Variants in LIPJ observed in about 807,000 individuals in gnomAD.
LIPJ encodes lipase family member J.
A neutral mutation model predicts 39.8 loss-of-function variants in LIPJ; 33 were observed. The ratio of observed to expected loss-of-function variants is 0.83; its 90% CI spans 0.63 to 1.11. The LOEUF (loss-of-function observed/expected upper bound fraction) is 1.11. Ranked by LOEUF, LIPJ falls within the 50% of genes least tolerant of loss-of-function variation. LIPJ has a pLI of 0.00. For missense variants in LIPJ, 422 were observed against 427.9 expected (o/e 0.99, Z 0.12); for synonymous variants, 128 against 139.2 (o/e 0.92, Z 0.57).
chr10:88,601,254 C>T (rs1178452587), intron 8 of LIPJ, among the ~76,000 whole-genome samples: 1 of 152,040 alleles, frequency 6.6e-6, no homozygotes, highest in Non-Finnish European at 1.5e-5. Context: ...GAGGGCAGAG[C>T]CTTTACAGCT....
At chr10:88,614,252 T>G in the LIPJ span, among the ~76,000 whole-genome samples, 1 of 152,030 alleles carries the variant, frequency 6.6e-6, no homozygotes, top group Non-Finnish European at 1.5e-5. Flanking sequence ...CAAAAGAAAA[T>G]ATATATTTTA....
the LIPJ span, chr10:88,618,517 A>G: frequency 2.6e-5 from 4 of 152,438 alleles, no homozygotes; most frequent in Non-Finnish European, 1.5e-5. Context: ...TTCTGACTTC[A>G]GGTTCGGGTA....
At chr10:88,607,865 T>TA (rs1416822728), downstream of LIPJ, among the ~76,000 whole-genome samples, 1 of 152,184 alleles carries the variant, frequency 6.6e-6, no homozygotes, top group Non-Finnish European at 1.5e-5. Context: ...AAACAACAAA[T>TA]AAAAGTTCAG....
chr10:88,588,269 ACT>A (rs1342516681), intron 2 of LIPJ, among the ~76,000 whole-genome samples: 4 of 151,844 alleles, frequency 2.6e-5, no homozygotes, highest in Admixed American at 6.6e-5. Flanking sequence ...CAACTTAAAA[ACT>A]CTATCTCTCC....
intron 8 of LIPJ, among the ~76,000 whole-genome samples, chr10:88,597,380 A>G (rs944413071): frequency 2.6e-5 from 4 of 151,870 alleles, no homozygotes; most frequent in African/African-American, 7.2e-5. Flanking sequence ...GCTTTTATCA[A>G]TACTCTTGGA....
chr10:88,593,779 C>T (rs1851158871), intron 4 of LIPJ, 167 bp from the exon 5 acceptor site: 1 of 581,738 alleles, frequency 1.7e-6, no homozygotes, highest in Non-Finnish European at 3.0e-6. Flanking sequence ...CTGTATTAAA[C>T]AGCTCTGTCA....
At chr10:88,584,268 A>G (rs1171298327), upstream of LIPJ, 1 of 152,230 alleles carries the variant, frequency 6.6e-6, no homozygotes, top group Non-Finnish European at 1.5e-5. Flanking sequence ...GTAGACGGGC[A>G]TATATGACTA....
At chr10:88,583,514 C>T, upstream of LIPJ, 2 of 1,185,742 alleles carry the variant, frequency 1.7e-6, no homozygotes, top group Non-Finnish European at 2.1e-6. Flanking sequence ...GAACCCGCCT[C>T]GCAACAGAGC....
At chr10:88,600,621 G>A (rs1222681054) in intron 8 of LIPJ, among the ~76,000 whole-genome samples, 2 of 152,150 alleles carry the variant, frequency 1.3e-5, no homozygotes, top group Admixed American at 6.5e-5. Flanking sequence ...ATTGTTTTAT[G>A]TGCTAATTGT....
intron 9 of LIPJ, among the ~76,000 whole-genome samples, chr10:88,602,873 C>T (rs1851543458): frequency 6.6e-6 from 1 of 152,146 alleles, no homozygotes; most frequent in Admixed American, 6.6e-5. Flanking sequence ...GGGTGGATCA[C>T]CTGAGGTCAG....
intron 10 of LIPJ, 60 bp downstream of exon 10, chr10:88,605,764 A>G: frequency 1.9e-6 from 2 of 1,037,920 alleles, no homozygotes; most frequent in Non-Finnish European, 3.0e-6. Context: ...ACTTTGCTAT[A>G]GATCAAGGAT....
At chr10:88,599,093 A>G (rs1157111849) in intron 8 of LIPJ, among the ~76,000 whole-genome samples, 1 of 150,346 alleles carries the variant, frequency 6.7e-6, no homozygotes, top group Admixed American at 6.7e-5. Context: ...TGTACAGGCT[A>G]TTTAAAATTG....
intron 3 of LIPJ, 110 bp from the exon 4 acceptor site, chr10:88,591,268 T>C: frequency 1.4e-6 from 1 of 707,886 alleles, no homozygotes; most frequent in East Asian, 2.9e-5. Context: ...GGCTTGAGGT[T>C]GAGAGAGAAT....
intron 6 of LIPJ, among the ~76,000 whole-genome samples, chr10:88,595,241 G>C (rs1373680247): frequency 1.3e-5 from 2 of 151,694 alleles, no homozygotes; most frequent in Admixed American, 1.3e-4. Flanking sequence ...AAGATGACTA[G>C]AAAAGAACTT....
intron 7 of LIPJ, 23 bp from the exon 8 acceptor site, chr10:88,596,767 G>T: frequency 1.3e-6 from 2 of 1,580,940 alleles, no homozygotes; most frequent in Admixed American, 1.8e-5. Flanking sequence ...TCCAAATGTG[G>T]ATAAAATAAA....
At chr10:88,606,370 A>T (rs1851665001) in intron 10 of LIPJ, among the ~76,000 whole-genome samples, 1 of 152,198 alleles carries the variant, frequency 6.6e-6, no homozygotes, top group Admixed American at 6.5e-5. Flanking sequence ...CTGCTACAGA[A>T]AATTTGATTT....
At chr10:88,606,366 C>G (rs1275733747) in intron 10 of LIPJ, among the ~76,000 whole-genome samples, 2 of 152,130 alleles carry the variant, frequency 1.3e-5, no homozygotes, top group East Asian at 1.9e-4. Context: ...AATACTGCTA[C>G]AGAAAATTTG....
At chr10:88,604,394 T>C (rs2134583112) in intron 9 of LIPJ, among the ~76,000 whole-genome samples, 1 of 152,288 alleles carries the variant, frequency 6.6e-6, no homozygotes, top group African/African-American at 2.4e-5. Context: ...AGGAACACAT[T>C]GGCTGCTATG....
intron 8 of LIPJ, among the ~76,000 whole-genome samples, chr10:88,601,183 G>C (rs1851462831): frequency 6.6e-6 from 1 of 151,938 alleles, no homozygotes; most frequent in Admixed American, 6.6e-5. Flanking sequence ...CCTGACCTCA[G>C]GTGATCCACC....
Sources: gnomAD v4.1 joint callset for allele counts (sites outside exome capture counted in the v4.1 genomes callset) on GRCh38, gnomAD v4.1.1 for gene constraint, MANE v1.5 for transcripts, NCBI Gene and HGNC (gene_info 2026-07-23, HGNC 2026-07-21) for gene names.